The following CSMD3 variants were observed in gnomAD, a reference collection of about 807,000 sequenced individuals.
CSMD3 encodes CUB and Sushi multiple domains 3, also known as CUB and sushi domain-containing protein 3.
In CSMD3, 177 loss-of-function variants were observed where a neutral mutation model predicts 435.2. The observed-to-expected ratio is 0.41, with a 90% CI of 0.36 to 0.46. The LOEUF (loss-of-function observed/expected upper bound fraction) is 0.46, where lower values mean the gene tolerates loss of function less well. Ranked by LOEUF, CSMD3 falls within the 20% of genes least tolerant of loss-of-function variation. The pLI, the probability that CSMD3 is intolerant of heterozygous loss-of-function variation, is 0.34. For missense variants in CSMD3, 4,265 were observed against 4,504.6 expected, an observed-to-expected ratio of 0.95 and a Z score of 1.52; for synonymous variants, 1,656 against 1,520.5, an observed-to-expected ratio of 1.09 and a Z score of -2.07.
intron 6 of CSMD3, among the ~76,000 whole-genome samples, chr8:112,996,563 CTG>C (rs2085660165): frequency 6.6e-6 from 1 of 151,532 alleles, no homozygotes; most frequent in Non-Finnish European, 1.5e-5. Flanking sequence ...AGTGCACTCA[CTG>C]AGAATAGTTA....
chr8:113,284,192 C>T (rs1563650255), intron 2 of CSMD3, among the ~76,000 whole-genome samples: 1 of 151,926 alleles, frequency 6.6e-6, no homozygotes, highest in South Asian at 2.1e-4. Context: ...AGAACTTACT[C>T]GTGTAACCAA....
chr8:112,252,041 T>C (rs1231173913), intron 63 of CSMD3, among the ~76,000 whole-genome samples: 1 of 151,882 alleles, frequency 6.6e-6, no homozygotes, highest in African/African-American at 2.4e-5. Context: ...AAATCTACTA[T>C]ATAAATCTAT....
At chr8:112,268,309 T>C (rs575177135) in intron 59 of CSMD3, among the ~76,000 whole-genome samples, 2 of 152,316 alleles carry the variant, frequency 1.3e-5, no homozygotes, top group African/African-American at 4.8e-5. Context: ...ATTTGTTTTG[T>C]GGGAGGCTTC....
At chr8:113,044,076 G>C (rs2087732256) in intron 5 of CSMD3, among the ~76,000 whole-genome samples, 1 of 151,996 alleles carries the variant, frequency 6.6e-6, no homozygotes, top group African/African-American at 2.4e-5. Context: ...TTATAGACCA[G>C]ACACTAAAAC....
intron 38 of CSMD3, among the ~76,000 whole-genome samples, chr8:112,374,575 A>T (rs1050314373): frequency 6.6e-6 from 1 of 152,152 alleles, no homozygotes; most frequent in Non-Finnish European, 1.5e-5. Context: ...GATTTGATAA[A>T]ATTATTATTT....
chr8:113,310,969 C>T (rs1310694359), intron 2 of CSMD3: 1 of 151,672 alleles, frequency 6.6e-6, no homozygotes, highest in East Asian at 1.9e-4. Flanking sequence ...TTAATGTTTA[C>T]AAAGATTCTA....
At chr8:112,227,250 T>C (rs1474686007) in intron 70 of CSMD3, among the ~76,000 whole-genome samples, 1 of 152,228 alleles carries the variant, frequency 6.6e-6, no homozygotes, top group Admixed American at 6.5e-5. Context: ...AATGAAGTAC[T>C]GATGCATGCT....
At chr8:112,893,758 A>C (rs1460676244) in intron 10 of CSMD3, among the ~76,000 whole-genome samples, 1 of 151,546 alleles carries the variant, frequency 6.6e-6, no homozygotes, top group East Asian at 2.0e-4. Context: ...TCTTACATTC[A>C]GTTTAGTTTC....
rs1251758627 is a variant in CSMD3 at position 113,349,865 on chromosome 8, G to T, written c.179-35072C>A. On this transcript the variant is annotated intron_variant, in intron 1 of 70. Coordinates refer to ENST00000297405, the MANE Select transcript of CSMD3 (RefSeq NM_198123.2). ...CATGTCACTCCCCCCGTTAAGATAT[G>T]AAATCTATTTCCCCTTCTTGAATCT... Among the ~76,000 whole-genome samples, 8 of 152,062 alleles carry T rather than the reference G, an allele frequency of 5.3e-5. No individual in the cohort carries two copies. In the South Asian group the frequency reaches 1.7e-3, roughly 32 times the overall value.
At chr8:113,274,546 G>T (rs765000125) in intron 3 of CSMD3, among the ~76,000 whole-genome samples, 4 of 152,054 alleles carry the variant, frequency 2.6e-5, no homozygotes, top group Non-Finnish European at 4.4e-5. Context: ...AAGTATTGGT[G>T]TGCAATTACA....
chr8:112,934,415 A>G (rs571510502), intron 9 of CSMD3, among the ~76,000 whole-genome samples: 7 of 152,318 alleles, frequency 4.6e-5, no homozygotes, highest in Non-Finnish European at 8.8e-5. Context: ...TAAATTTTTG[A>G]AGGAAACACA....
intron 49 of CSMD3, 107 bp downstream of exon 49, chr8:112,313,799 A>C: frequency 1.2e-6 from 1 of 839,212 alleles, no homozygotes; most frequent in Non-Finnish European, 2.0e-6. Context: ...TCAATGGAGG[A>C]GCTGTGATTT....
At position 113,305,318 on chromosome 8, in the gene CSMD3, T is replaced by TA. The variant is rs201773896; in HGVS notation, c.401+9252_401+9253insT. 3.3e-3 allele frequency among the ~76,000 whole-genome samples: 505 copies of TA among 152,034 alleles called. 2 individuals carry two copies. The highest frequency in any genetic ancestry group is 9.6e-3 in the African/African-American group (398 of 41,484). ...AAGTATAATAATAATAAATAAATTT[T>TA]TAAAAAAAGAGAAAATGAATGTTTA... On this transcript the variant is annotated intron_variant, in intron 2 of 70. Transcript: ENST00000297405.
At chr8:112,740,693 T>A (rs924592593) in intron 13 of CSMD3, among the ~76,000 whole-genome samples, 1 of 151,854 alleles carries the variant, frequency 6.6e-6, no homozygotes, top group African/African-American at 2.4e-5. Context: ...AAAGAAAAGT[T>A]TGGTGAAGTG....
intron 13 of CSMD3, among the ~76,000 whole-genome samples, chr8:112,703,242 C>T (rs1157379087): frequency 1.3e-5 from 2 of 152,072 alleles, no homozygotes; most frequent in Non-Finnish European, 2.9e-5. Flanking sequence ...TAGAGAGTAG[C>T]ACATGATTCT....
chr8:112,560,654 T>C (rs1171327149), intron 24 of CSMD3, among the ~76,000 whole-genome samples: 1 of 151,654 alleles, frequency 6.6e-6, no homozygotes, highest in Non-Finnish European at 1.5e-5. Flanking sequence ...TTAACTCAAA[T>C]CATGACATAT....
intron 32 of CSMD3, among the ~76,000 whole-genome samples, chr8:112,438,381 G>A (rs941779904): frequency 6.6e-6 from 1 of 152,082 alleles, no homozygotes; most frequent in Non-Finnish European, 1.5e-5. Flanking sequence ...AGTCACTAAG[G>A]TGGTATTTTG....
chr8:112,334,151 T>C (rs193140357), intron 45 of CSMD3, among the ~76,000 whole-genome samples: 1 of 152,308 alleles, frequency 6.6e-6, no homozygotes, highest in Admixed American at 6.5e-5. Context: ...GGCCATAGAC[T>C]GAACCCCTGA....
At chr8:112,801,070 C>A (rs58296437) in intron 12 of CSMD3, among the ~76,000 whole-genome samples, 1,645 of 152,074 alleles carry the variant, frequency 0.011, 32 homozygotes, top group African/African-American at 0.038. Flanking sequence ...GGATTCACTG[C>A]AGAGTAAATG....
Sources: gnomAD v4.1 joint callset for allele counts (sites outside exome capture counted in the v4.1 genomes callset) on GRCh38, gnomAD v4.1.1 for gene constraint, MANE v1.5 for transcripts, NCBI Gene and HGNC (gene_info 2026-07-23, HGNC 2026-07-21) for gene names.